Variants in ARHGEF17 observed in about 807,000 individuals in gnomAD.
ARHGEF17 encodes the protein Rho guanine nucleotide exchange factor 17, also known as 164 kDa Rho-specific guanine-nucleotide exchange factor.
ARHGEF17 carries 80 observed loss-of-function variants against 174.0 expected under a neutral mutation model. The observed-to-expected ratio is 0.46, with a 90% CI of 0.38 to 0.55. The LOEUF (loss-of-function observed/expected upper bound fraction) is 0.55, where lower values mean the gene tolerates loss of function less well. Ranked by LOEUF, ARHGEF17 falls within the 20% of genes least tolerant of loss-of-function variation. The probability of loss-of-function intolerance (pLI) is 0.00; values close to 1 mark genes in which losing one functional copy is unlikely to be tolerated. For missense variants in ARHGEF17, 2,886 were observed against 2,839.7 expected (o/e 1.02, Z -0.37); for synonymous variants, 1,311 against 1,189.1 (o/e 1.10, Z -2.11).
intron 1 of ARHGEF17, among the ~76,000 whole-genome samples, chr11:73,340,580 G>A (rs55771351): frequency 1.3e-5 from 2 of 152,008 alleles, no homozygotes; most frequent in African/African-American, 4.8e-5. Context: ...ATGGATGCAC[G>A]TCTCTAAATC....
Position 73,363,199 on chromosome 11 carries a change from C to T in ARHGEF17, c.4997-7C>T, listed in dbSNP as rs1485906337. The stretch of plus-strand genomic sequence containing the variant: ...GAAATGGAGACAGAGACCTTTGTCT[C>T]CCTCAGATGAGGAGACCCCGAGTTC... On this transcript the variant is annotated splice_region_variant and splice_polypyrimidine_tract_variant and intron_variant, in intron 14 of 20. Coordinates refer to ENST00000263674, the MANE Select transcript of ARHGEF17 (RefSeq NM_014786.4). 9.7e-6 allele frequency: 15 copies of T among 1,540,232 alleles called. No individual in the cohort carries two copies. In the African/African-American group the frequency reaches 1.5e-4, roughly 16 times the overall value.
Position 73,359,857 on chromosome 11 carries a change from G to A in ARHGEF17, c.4111G>A (p.Glu1371Lys), listed in dbSNP as rs1192120357. ...AGGGGCATCCCAAGCCACCAATCGG[G>A]AGAACATCCAGAAGGCCATCAGCCG... ...IKGASQATNR[E>K]NIQKAISRLD... The change falls in exon 10 of 21, where the codon GAG becomes AAG. Residue 1371 changes from glutamate (E) to lysine (K), a missense_variant. Physicochemically the swap from Glu to Lys is moderately conservative, Grantham distance 56. Transcript: ENST00000263674. 6.2e-7 allele frequency: 1 copy of A among 1,612,418 alleles called. No homozygotes were observed. Among genetic ancestry groups the A allele is most frequent in the Admixed American group, 1.7e-5 (1 of 59,740 alleles).
intron 1 of ARHGEF17, among the ~76,000 whole-genome samples, chr11:73,332,905 T>G (rs1428922103): frequency 6.6e-6 from 1 of 151,986 alleles, no homozygotes; most frequent in East Asian, 1.9e-4. Flanking sequence ...CCTCAGGAGA[T>G]CTTCTCCTCC....
intron 1 of ARHGEF17, among the ~76,000 whole-genome samples, chr11:73,314,929 G>A (rs561209289): frequency 2.0e-4 from 30 of 152,324 alleles, no homozygotes; most frequent in African/African-American, 7.2e-4. Context: ...AGCAGGGGGT[G>A]ACTTGTCTCT....
rs1864827367 is a variant in ARHGEF17, at chr11:73,311,291, T to A, written c.2653T>A (p.Ser885Thr). ...EPGATRSRAQ[S>T]ERALPEALPP... ...TGGTGCCACCAGGAGCCGGGCACAG[T>A]CTGAAAGGGCCCTACCTGAGGCTCT... The change falls in exon 1 of 21, where the codon TCT (serine) becomes ACT (threonine). Residue 885 changes from serine (S) to threonine (T), a missense_variant. Transcript: ENST00000263674. 1 of 1,612,994 alleles carries A rather than the reference T, an allele frequency of 6.2e-7. No homozygotes were observed. Among genetic ancestry groups the A allele is most frequent in the Non-Finnish European group, 8.5e-7 (1 of 1,179,996 alleles).
At chr11:73,321,973 AGGAAGCGGGGAGGCAGAGTTCCTGGCTGC>A (rs1865024587) in intron 1 of ARHGEF17, among the ~76,000 whole-genome samples, 1 of 152,172 alleles carries the variant, frequency 6.6e-6, no homozygotes, top group Non-Finnish European at 1.5e-5. Flanking sequence ...GCTGTGGAGC[AGGAAGCGGGGAGGCAGAGTTCCTGGCTGC>A]CAGCCAGCCC....
chr11:73,311,065 C>T lies in ARHGEF17; in HGVS notation c.2427C>T (p.Thr809=). The T allele has an allele frequency of 1.2e-6, 2 of 1,610,242 alleles. No homozygotes were observed. Among genetic ancestry groups the T allele is most frequent in the South Asian group, 2.2e-5 (2 of 91,064 alleles). Residue 809 remains threonine (T), a synonymous_variant, in exon 1 of 21, where the codon ACC becomes ACT. Coordinates refer to ENST00000263674, the MANE Select transcript of ARHGEF17 (RefSeq NM_014786.4). ...AGAGCATAGTTCAGGGGCCTGGCAC[C>T]CTGGGGCGTGTGGTGGACGACAGGA... ...VIQSIVQGPG[T]LGRVVDDRIA...
chr11:73,324,526 A>AT (rs1490787711), intron 1 of ARHGEF17, among the ~76,000 whole-genome samples: 1 of 152,054 alleles, frequency 6.6e-6, no homozygotes, highest in East Asian at 1.9e-4. Flanking sequence ...GTCGGCACTG[A>AT]TTGGGGGTGG....
chr11:73,334,940 G>T (rs1865263150), intron 1 of ARHGEF17, among the ~76,000 whole-genome samples: 2 of 152,230 alleles, frequency 1.3e-5, no homozygotes. Context: ...AACGGTGGTG[G>T]TCCTGGGCCA....
intron 1 of ARHGEF17, among the ~76,000 whole-genome samples, chr11:73,318,864 G>C (rs1776007347): frequency 6.6e-6 from 1 of 152,144 alleles, no homozygotes; most frequent in African/African-American, 2.4e-5. Context: ...CTCCAGTCTG[G>C]AGATCAAAAG....
At chr11:73,334,077 A>G (rs1591736990) in intron 1 of ARHGEF17, among the ~76,000 whole-genome samples, 1 of 152,130 alleles carries the variant, frequency 6.6e-6, no homozygotes, top group Non-Finnish European at 1.5e-5. Context: ...GCAGAAGTGC[A>G]CCCTCCCTTT....
intron 2 of ARHGEF17, 43 bp from the exon 3 acceptor site, chr11:73,352,787 G>A (rs774353041): frequency 1.1e-5 from 18 of 1,605,414 alleles, no homozygotes; most frequent in Admixed American, 5.0e-5. Flanking sequence ...TGGTGGGGGC[G>A]GCATCTCTGA....
Position 73,357,326 on chromosome 11 carries a change from A to G in ARHGEF17, c.4086A>G (p.Lys1362=). The change falls in exon 9 of 21, where the codon AAA becomes AAG. Residue 1362 remains lysine (K), a splice_region_variant and synonymous_variant. Coordinates refer to ENST00000263674, the MANE Select transcript of ARHGEF17 (RefSeq NM_014786.4). ...KLPLEDADII[K]GASQATNREN... is the part of the protein sequence containing the mutation. ...CGCTGGAAGACGCAGACATCATCAA[A>G]GGTGGGTTTGATGCTAGGGGTTCTG... The G allele has an allele frequency of 6.2e-7, 1 of 1,613,492 alleles. No homozygotes were observed. The highest frequency in any genetic ancestry group is 1.1e-5 in the South Asian group (1 of 90,894).
At chr11:73,357,462 C>A in intron 9 of ARHGEF17, 135 bp downstream of exon 9, 1 of 776,232 alleles carries the variant, frequency 1.3e-6, no homozygotes, top group Non-Finnish European at 2.1e-6. Flanking sequence ...TCATCCAGTG[C>A]AAGGGGGCTG....
At chr11:73,355,078 G>T (rs989661814) in intron 3 of ARHGEF17, among the ~76,000 whole-genome samples, 1 of 152,316 alleles carries the variant, frequency 6.6e-6, no homozygotes, top group African/African-American at 2.4e-5. Context: ...GCCCTGAGGC[G>T]GGGCGAGATT....
Position 73,310,042 on chromosome 11 carries a change from C to T in ARHGEF17, c.1404C>T (p.Ala468=), listed in dbSNP as rs139829094. Residue 468 remains alanine (A), a synonymous_variant, in exon 1 of 21, where the codon GCC becomes GCT. Transcript: ENST00000263674. Reference sequence around the variant, plus strand: ...AGTCCCTGTCAAATCCAGATATCGCCTCAGAGACCCTGACGCTTCTCAGTT... The same window carrying T: ...AGTCCCTGTCAAATCCAGATATCGCTTCAGAGACCCTGACGCTTCTCAGTT... ...QRKSLSNPDI[A]SETLTLLSFL... 1.0e-4 allele frequency: 168 copies of T among 1,614,212 alleles called. No homozygotes were observed. The African/African-American group carries it at 1.9e-3, about 19-fold the overall frequency.
Position 73,310,396 on chromosome 11 carries a change from C to T in ARHGEF17, c.1758C>T (p.Ile586=). ...PGAEEDPLPL[I]VQDQYVQEAR... is the part of the protein sequence containing the mutation. The stretch of plus-strand genomic sequence containing the variant: ...CCGAGGAGGATCCGCTGCCCCTCAT[C>T]GTCCAGGACCAATATGTGCAGGAGG... Residue 586 remains isoleucine (I), a synonymous_variant, in exon 1 of 21, where the codon ATC becomes ATT. Coordinates refer to ENST00000263674, the MANE Select transcript of ARHGEF17 (RefSeq NM_014786.4). The T allele has an allele frequency of 1.2e-6, 2 of 1,613,964 alleles. No homozygotes were observed. The highest frequency in any genetic ancestry group is 1.1e-5 in the South Asian group (1 of 91,084).
At chr11:73,353,035 A>G (rs774012556) in intron 3 of ARHGEF17, 23 bp downstream of exon 3, 8 of 1,611,938 alleles carry the variant, frequency 5.0e-6, no homozygotes, top group Middle Eastern at 1.7e-4. Flanking sequence ...GCTGCTGCCA[A>G]TTCCCACAAG....
In ARHGEF17 at chr11:73,360,484, C is replaced by T. The variant is rs372172806; in HGVS notation, c.4371C>T (p.Asp1457=). Residue 1457 remains aspartate, a synonymous_variant, in exon 11 of 21, where the codon GAC becomes GAT. Transcript: ENST00000263674. ...ACATTTTTGAGTTCCCTCACCCTGA[C>T]GCCCGCCTTGGTTTTGAACAGGCCT... ...DSYIFEFPHP[D]ARLGFEQAFD... is the part of the protein sequence containing the mutation. 8 of 1,614,052 alleles carry T rather than the reference C, an allele frequency of 5.0e-6. No individual in the cohort carries two copies. The highest frequency in any genetic ancestry group is 2.2e-5 in the East Asian group (1 of 44,884).
Sources: allele counts gnomAD v4.1 joint callset (sites outside exome capture counted in the v4.1 genomes callset), GRCh38; gene constraint gnomAD v4.1.1; transcripts MANE v1.5; gene names NCBI Gene and HGNC (gene_info 2026-07-23, HGNC 2026-07-21).